AGBL1: variants seen among roughly 807,000 people sequenced by gnomAD.
The protein encoded by AGBL1 is cytosolic carboxypeptidase 4.
Under a neutral mutation model 118.9 loss-of-function variants are expected in AGBL1, and 130 were observed. That is an observed-to-expected ratio of 1.09 (90% CI 0.95 to 1.26). The LOEUF is 1.26. Ranked by LOEUF, AGBL1 falls within the 50% of genes most tolerant of loss-of-function variation. The pLI is 0.00. For missense variants in AGBL1, 1,584 were observed against 1,298.1 expected (o/e 1.22, Z -3.38); for synonymous variants, 555 against 478.9 (o/e 1.16, Z -2.08).
rs556434299 is a variant in AGBL1, at chr15:86,425,372, C to T, written c.2555+27826C>T. On this transcript the variant is annotated intron_variant, in intron 18 of 22. Coordinates refer to ENST00000614907, the MANE Select transcript of AGBL1 (RefSeq NM_001386094.1). The stretch of plus-strand genomic sequence containing the variant: ...CATGGACACAGGCAGGGGAGTATCA[C>T]ACACCAAGGCCTGTTTGGGGGTGGG... 1.1e-3 allele frequency among the ~76,000 whole-genome samples: 169 copies of T among 151,404 alleles called. 3 individuals are homozygous for T. In the South Asian group the frequency reaches 0.035, roughly 31 times the overall value.
intron 18 of AGBL1, among the ~76,000 whole-genome samples, chr15:86,448,396 G>C (rs1687277107): frequency 6.6e-6 from 1 of 152,180 alleles, no homozygotes; most frequent in South Asian, 2.1e-4. Flanking sequence ...CTACTCATGA[G>C]TTAAGCATGC....
At chr15:86,818,412 T>C (rs541628399) in intron 22 of AGBL1, among the ~76,000 whole-genome samples, 1 of 152,298 alleles carries the variant, frequency 6.6e-6, no homozygotes, top group Non-Finnish European at 1.5e-5. Flanking sequence ...GAACTGCACA[T>C]GCAAGGAATC....
chr15:86,537,128 A>C (rs1416513526), intron 19 of AGBL1, among the ~76,000 whole-genome samples: 1 of 152,214 alleles, frequency 6.6e-6, no homozygotes, highest in Admixed American at 6.5e-5. Context: ...GCCAAGGGCA[A>C]ATCTCTTTAC....
At chr15:86,266,309 T>A in intron 11 of AGBL1, 65 bp from the exon 12 acceptor site, 1 of 1,252,518 alleles carries the variant, frequency 8.0e-7, no homozygotes, top group Non-Finnish European at 1.1e-6. Context: ...TCCCAGGTGA[T>A]CACAGGATGA....
At chr15:86,444,730 C>CT (rs1335955099) in intron 18 of AGBL1, among the ~76,000 whole-genome samples, 1 of 152,150 alleles carries the variant, frequency 6.6e-6, no homozygotes, top group African/African-American at 2.4e-5. Context: ...CACCTCACAC[C>CT]TAAAAGCCAG....
chr15:86,386,439 T>C (rs1328674999), intron 17 of AGBL1, among the ~76,000 whole-genome samples: 1 of 150,478 alleles, frequency 6.6e-6, no homozygotes, highest in Non-Finnish European at 1.5e-5. Flanking sequence ...GTGAGTTTTC[T>C]GGGAGAGGGG....
At chr15:86,574,222 C>T (rs1285710028) in intron 21 of AGBL1, among the ~76,000 whole-genome samples, 1 of 152,158 alleles carries the variant, frequency 6.6e-6, no homozygotes, top group Non-Finnish European at 1.5e-5. Context: ...CTGTGCACCA[C>T]CCTACCTTCC....
chr15:86,997,344 CTT>C (rs889501845), intron 24 of AGBL1, among the ~76,000 whole-genome samples: 1 of 152,192 alleles, frequency 6.6e-6, no homozygotes, highest in Admixed American at 6.5e-5. Context: ...CATCCTTTCA[CTT>C]TTGTGTTTTC....
At chr15:86,811,017 G>A (rs1252250394) in intron 22 of AGBL1, among the ~76,000 whole-genome samples, 2 of 152,202 alleles carry the variant, frequency 1.3e-5, no homozygotes, top group Non-Finnish European at 2.9e-5. Context: ...TATTGTTTGC[G>A]AAGCAGATGG....
intron 3 of AGBL1, among the ~76,000 whole-genome samples, chr15:86,153,220 A>G (rs2077139868): frequency 6.6e-6 from 1 of 152,234 alleles, no homozygotes; most frequent in African/African-American, 2.4e-5. Context: ...ACATATGTTT[A>G]TTTTGGCACT....
At chr15:86,712,301 T>C (rs1324783434) in intron 22 of AGBL1, among the ~76,000 whole-genome samples, 2 of 151,984 alleles carry the variant, frequency 1.3e-5, no homozygotes, top group Non-Finnish European at 2.9e-5. Flanking sequence ...GCATAAATTG[T>C]CTCTCTATTA....
At chr15:86,776,017 C>A (rs1208084541) in intron 22 of AGBL1, among the ~76,000 whole-genome samples, 1 of 152,130 alleles carries the variant, frequency 6.6e-6, no homozygotes, top group Non-Finnish European at 1.5e-5. Context: ...CACATAGTTT[C>A]TTTAGCAATC....
intron 22 of AGBL1, among the ~76,000 whole-genome samples, chr15:86,715,477 A>C (rs1390830746): frequency 1.3e-5 from 2 of 152,172 alleles, no homozygotes; most frequent in African/African-American, 4.8e-5. Context: ...AACTGAACTG[A>C]TCCCATTTTC....
At chr15:86,721,804 A>G (rs2086726083) in intron 22 of AGBL1, among the ~76,000 whole-genome samples, 1 of 152,244 alleles carries the variant, frequency 6.6e-6, no homozygotes, top group South Asian at 2.1e-4. Flanking sequence ...CAACTTCAGC[A>G]AAGTCTCAGG....
At chr15:86,377,422 C>T (rs1483937548) in intron 17 of AGBL1, among the ~76,000 whole-genome samples, 2 of 152,106 alleles carry the variant, frequency 1.3e-5, no homozygotes, top group Non-Finnish European at 2.9e-5. Flanking sequence ...TGGTAGTTCT[C>T]ACGGCCTGAA....
intron 8 of AGBL1, 106 bp from the exon 9 acceptor site, chr15:86,257,858 T>G: frequency 9.3e-7 from 1 of 1,070,046 alleles, no homozygotes; most frequent in Non-Finnish European, 1.4e-6. Context: ...TTGGGCCCCT[T>G]ATTTGAGAGA....
intron 24 of AGBL1, among the ~76,000 whole-genome samples, chr15:87,018,628 G>C (rs549120358): frequency 3.6e-4 from 55 of 151,956 alleles, no homozygotes; most frequent in African/African-American, 1.1e-3. Flanking sequence ...ATATGGAAAG[G>C]AAAAACTGTT....
chr15:86,183,472 G>C (rs2077581215), intron 5 of AGBL1, among the ~76,000 whole-genome samples: 1 of 152,114 alleles, frequency 6.6e-6, no homozygotes, highest in African/African-American at 2.4e-5. Flanking sequence ...GAAGACTCCA[G>C]GTCTCCTGAT....
chr15:86,878,818 A>G (rs1231965386), intron 22 of AGBL1, among the ~76,000 whole-genome samples: 1 of 152,184 alleles, frequency 6.6e-6, no homozygotes, highest in Non-Finnish European at 1.5e-5. Context: ...TTCCTCCCAT[A>G]ACCTCCACAG....
Sources: gnomAD v4.1 joint callset for allele counts (sites outside exome capture counted in the v4.1 genomes callset) on GRCh38, gnomAD v4.1.1 for gene constraint, MANE v1.5 for transcripts, NCBI Gene and HGNC (gene_info 2026-07-23, HGNC 2026-07-21) for gene names.